Variants in MID1 observed in about 807,000 individuals in gnomAD.
The protein encoded by MID1 is E3 ubiquitin-protein ligase Midline-1.
MID1 carries 7 observed loss-of-function variants against 40.4 expected under a neutral mutation model. The observed-to-expected ratio is 0.17, with a 90% CI of 0.10 to 0.33. MID1 has a LOEUF of 0.33. Among genes scored for constraint, MID1 ranks in the 10% least tolerant of loss-of-function variants. The probability of loss-of-function intolerance (pLI) is 1.00; values close to 1 mark genes in which losing one functional copy is unlikely to be tolerated. For missense variants in MID1, 367 were observed against 558.5 expected (o/e 0.66, Z 3.46); for synonymous variants, 229 against 221.2 (o/e 1.04, Z -0.31).
rs143588543 is a variant in MID1 at position 10,599,378 on chromosome X, T to G, written c.-57+20912A>C. 8.7e-3 allele frequency among the ~76,000 whole-genome samples: 976 copies of G among 112,246 alleles called. 15 individuals carry two copies. The highest frequency in any genetic ancestry group is 0.03 in the African/African-American group (929 of 30,909). Reference sequence around the variant, plus strand: ...CTGCCTCTTCAAATCTCCAATGCCCTTATTTTCCTATAATGGGCTGCTCAA... The same window carrying G: ...CTGCCTCTTCAAATCTCCAATGCCCGTATTTTCCTATAATGGGCTGCTCAA... On this transcript the variant is annotated intron_variant, in intron 1 of 9. Transcript: ENST00000317552.
At chrX:10,703,011 T>C (rs1022268437) in intron 1 of MID1, among the ~76,000 whole-genome samples, 3 of 112,059 alleles carry the variant, frequency 2.7e-5, no homozygotes, top group Non-Finnish European at 3.8e-5. Context: ...ATCTTGGACT[T>C]TCCAGCCTCC....
At chrX:10,704,996 T>A (rs2043220067) in intron 1 of MID1, among the ~76,000 whole-genome samples, 3 of 110,634 alleles carry the variant, frequency 2.7e-5, no homozygotes, top group Non-Finnish European at 5.7e-5. Flanking sequence ...ACTCCTGACC[T>A]CGTGATCCAC....
chrX:10,610,043 A>G (rs1192395600), intron 1 of MID1, among the ~76,000 whole-genome samples: 1 of 112,076 alleles, frequency 8.9e-6, no homozygotes, highest in Non-Finnish European at 1.9e-5. Flanking sequence ...TAAACAGAGG[A>G]TATGAGCAGA....
At chrX:10,510,390 C>T (rs1431136321) in intron 3 of MID1, among the ~76,000 whole-genome samples, 3 of 111,947 alleles carry the variant, frequency 2.7e-5, no homozygotes, top group African/African-American at 9.8e-5. Context: ...TCCTGTAACA[C>T]TTTAAACTGC....
chrX:10,472,082 C>G (rs16986146), intron 6 of MID1, among the ~76,000 whole-genome samples: 6,999 of 112,387 alleles, frequency 0.062, 406 homozygotes, highest in African/African-American at 0.19. Flanking sequence ...AATTTCAATA[C>G]TCATGGAATC....
chrX:10,749,830 T>C (rs2043585970), intron 1 of MID1, among the ~76,000 whole-genome samples: 1 of 111,645 alleles, frequency 9.0e-6, no homozygotes, highest in Non-Finnish European at 1.9e-5. Flanking sequence ...ACCAAAGAGA[T>C]GGTGCTAAAC....
chrX:10,522,284 T>C (rs926366393), intron 3 of MID1, among the ~76,000 whole-genome samples: 1 of 111,931 alleles, frequency 8.9e-6, no homozygotes, highest in African/African-American at 3.2e-5. Flanking sequence ...TAGAGCGCTG[T>C]AGCTGAAAGC....
At chrX:10,716,079 A>G (rs1349480085) in intron 1 of MID1, among the ~76,000 whole-genome samples, 1 of 111,479 alleles carries the variant, frequency 9.0e-6, no homozygotes, top group Non-Finnish European at 1.9e-5. Context: ...GGTAGATAAA[A>G]CCACAAAGAT....
chrX:10,792,882 T>C (rs1482089277), intron 1 of MID1, among the ~76,000 whole-genome samples: 2 of 111,795 alleles, frequency 1.8e-5, no homozygotes, highest in Non-Finnish European at 3.8e-5. Flanking sequence ...GATGAATTTA[T>C]GGTATGTGAG....
At chrX:10,755,346 T>C (rs12855797) in intron 1 of MID1, among the ~76,000 whole-genome samples, 1 of 110,539 alleles carries the variant, frequency 9.0e-6, no homozygotes, top group African/African-American at 3.3e-5. Context: ...AGATTTTTTT[T>C]TTGTTGTTGT....
intron 1 of MID1, among the ~76,000 whole-genome samples, chrX:10,611,863 G>A (rs1935742634): frequency 9.0e-6 from 1 of 111,319 alleles, no homozygotes; most frequent in African/African-American, 3.3e-5. Flanking sequence ...AAGGGATGAT[G>A]TAACTAATAT....
At chrX:10,692,269 A>G (rs984803360) in intron 1 of MID1, among the ~76,000 whole-genome samples, 1 of 110,874 alleles carries the variant, frequency 9.0e-6, no homozygotes, top group Non-Finnish European at 1.9e-5. Context: ...TCACGGTCCT[A>G]CTGATGTGAG....
chrX:10,474,664 G>A lies in MID1; in HGVS notation c.1100C>T (p.Ser367Phe). The A allele has an allele frequency of 8.3e-7, 1 of 1,209,303 alleles. No individual in the cohort carries two copies. Among genetic ancestry groups the A allele is most frequent in the Non-Finnish European group, 1.1e-6 (1 of 893,631 alleles). ...DTFDTFALDF[S>F]REKKLLECLD... ...ACATTCTAGCAGTTTCTTCTCTCGGGAAAAATCTAAGGCAAAGGTGTCAAA... is the reference window on the plus strand; with the variant it reads ...ACATTCTAGCAGTTTCTTCTCTCGGAAAAAATCTAAGGCAAAGGTGTCAAA... The change falls in exon 6 of 10, where the codon TCC (serine) becomes TTC (phenylalanine). Residue 367 changes from serine (S) to phenylalanine (F), a missense_variant. Coordinates refer to ENST00000317552, the MANE Select transcript of MID1 (RefSeq NM_000381.4).
chrX:10,485,760 A>G (rs1930583243), intron 4 of MID1, among the ~76,000 whole-genome samples: 1 of 112,264 alleles, frequency 8.9e-6, no homozygotes, highest in African/African-American at 3.2e-5. Flanking sequence ...AATTAGGTCC[A>G]AACAATGCAT....
chrX:10,703,815 T>C (rs2043208350), intron 1 of MID1, among the ~76,000 whole-genome samples: 1 of 112,282 alleles, frequency 8.9e-6, no homozygotes, highest in South Asian at 3.7e-4. Flanking sequence ...AATCCTTTTT[T>C]CCAATATAAT....
intron 1 of MID1, among the ~76,000 whole-genome samples, chrX:10,703,125 G>C (rs772605917): frequency 5.5e-4 from 62 of 112,132 alleles, no homozygotes; most frequent in Non-Finnish European, 1.0e-3. Context: ...TTTATTACTA[G>C]AGATATATTT....
chrX:10,463,808 T>C (rs746323552), intron 7 of MID1, among the ~76,000 whole-genome samples: 1 of 112,761 alleles, frequency 8.9e-6, no homozygotes, highest in Non-Finnish European at 1.9e-5. Flanking sequence ...ACTGCAGAGC[T>C]AGTGAGGTCC....
chrX:10,550,906 A>G (rs1316926901), intron 2 of MID1, among the ~76,000 whole-genome samples: 2 of 111,266 alleles, frequency 1.8e-5, no homozygotes, highest in African/African-American at 6.5e-5. Flanking sequence ...TCCTGTCTCA[A>G]AGTGGAATTA....
intron 1 of MID1, among the ~76,000 whole-genome samples, chrX:10,799,014 G>A (rs2043986995): frequency 9.0e-6 from 1 of 111,245 alleles, no homozygotes; most frequent in African/African-American, 3.3e-5. Context: ...TTTATGTATA[G>A]AGTAAATTCT....
Sources: allele counts gnomAD v4.1 joint callset (sites outside exome capture counted in the v4.1 genomes callset), GRCh38; gene constraint gnomAD v4.1.1; transcripts MANE v1.5; gene names NCBI Gene and HGNC (gene_info 2026-07-23, HGNC 2026-07-21).